MYO5C: variants seen among roughly 807,000 people sequenced by gnomAD.
MYO5C encodes the protein unconventional myosin-Vc.
Under a neutral mutation model 235.7 loss-of-function variants are expected in MYO5C, and 194 were observed. The observed-to-expected ratio is 0.82, with a 90% CI of 0.73 to 0.93. The LOEUF is 0.93. Ranked by LOEUF, MYO5C falls within the 40% of genes least tolerant of loss-of-function variation. The pLI is 0.00. For missense variants in MYO5C, 2,038 were observed against 2,127.2 expected, an observed-to-expected ratio of 0.96 and a Z score of 0.82; for synonymous variants, 707 against 754.8, an observed-to-expected ratio of 0.94 and a Z score of 1.04.
chr15:52,251,072 A>G, intron 13 of MYO5C: 1 of 180,368 alleles, frequency 5.5e-6, no homozygotes, highest in East Asian at 1.4e-4. Flanking sequence ...TTTCATCATA[A>G]GGAAGAATTA....
chr15:52,259,202 C>T (rs971739168), intron 10 of MYO5C, among the ~76,000 whole-genome samples: 2 of 152,120 alleles, frequency 1.3e-5, no homozygotes, highest in Non-Finnish European at 2.9e-5. Context: ...GGACAGATCA[C>T]AAGGTCAGGA....
At chr15:52,196,131 T>G (rs930765772) in intron 39 of MYO5C, among the ~76,000 whole-genome samples, 178 bp downstream of exon 39, 7 of 151,838 alleles carry the variant, frequency 4.6e-5, no homozygotes, top group African/African-American at 1.7e-4. Flanking sequence ...TTTTAAGACC[T>G]AGTGTTAGTA....
At position 52,246,934 on chromosome 15, in the gene MYO5C, AT is replaced by A; in HGVS notation, c.1961del (p.Asp654ValfsTer23). 1 of 1,613,924 alleles carries A rather than the reference AT, an allele frequency of 6.2e-7. No individual in the cohort carries two copies. Among genetic ancestry groups the A allele is most frequent in the East Asian group, 2.2e-5 (1 of 44,878 alleles). On this transcript the variant is annotated frameshift_variant, in exon 16 of 41. Coordinates refer to ENST00000261839, the MANE Select transcript of MYO5C (RefSeq NM_018728.4). LOFTEE classifies it high-confidence loss of function. ...PHYVRCIKPN[D>X]EKLPFEFDSK... is the part of the protein sequence containing the mutation. The stretch of plus-strand genomic sequence containing the variant: ...ACACTTACTCAAAGGGTAACTTCTC[AT>A]CATTTGGCTTGATGCATCGAACGTA...
chr15:52,220,082 C>G (rs1467936030), intron 30 of MYO5C, among the ~76,000 whole-genome samples: 1 of 152,192 alleles, frequency 6.6e-6, no homozygotes, highest in Non-Finnish European at 1.5e-5. Context: ...ATTGGGCCTC[C>G]CTGAAAGCTG....
At chr15:52,276,508 G>A (rs1039322132) in intron 4 of MYO5C, among the ~76,000 whole-genome samples, 1 of 152,158 alleles carries the variant, frequency 6.6e-6, no homozygotes, top group Non-Finnish European at 1.5e-5. Context: ...AGGAAAGCAC[G>A]TATTCAGCAT....
At chr15:52,273,412 G>A (rs1021584264) in intron 5 of MYO5C, among the ~76,000 whole-genome samples, 7 of 152,158 alleles carry the variant, frequency 4.6e-5, no homozygotes, top group African/African-American at 1.4e-4. Context: ...TCACTGTTAT[G>A]GACTGAATGT....
chr15:52,263,469 A>G, intron 9 of MYO5C, among the ~76,000 whole-genome samples: 1 of 152,142 alleles, frequency 6.6e-6, no homozygotes, highest in East Asian at 1.9e-4. Flanking sequence ...AGCAGGTGTA[A>G]GGAGGTAGTG....
chr15:52,291,723 T>A (rs2037390608), intron 1 of MYO5C, among the ~76,000 whole-genome samples: 2 of 126,432 alleles, frequency 1.6e-5, no homozygotes, highest in South Asian at 5.2e-4. Flanking sequence ...TTTGTTTGCA[T>A]ATTTTATGTT....
chr15:52,222,652 T>C (rs1459363405), intron 29 of MYO5C, among the ~76,000 whole-genome samples: 1 of 150,380 alleles, frequency 6.6e-6, no homozygotes, highest in African/African-American at 2.5e-5. Flanking sequence ...ATGGGAGGTG[T>C]GCGGAGGAAG....
In MYO5C at chr15:52,278,943, C is replaced by T. The variant is rs1336059129; in HGVS notation, c.379G>A (p.Gly127Arg). 4 of 1,613,982 alleles carry T rather than the reference C, an allele frequency of 2.5e-6. No homozygotes were observed. The highest frequency in any genetic ancestry group is 4.5e-5 in the East Asian group (2 of 44,884). ...GGGTCCATATCGCCCATGTTCTGCCCGCTGTAGGCGTGGATGATGGCATCT... is the reference window on the plus strand; with the variant it reads ...GGGTCCATATCGCCCATGTTCTGCCTGCTGTAGGCGTGGATGATGGCATCT... The part of the protein sequence containing the change: ...YGDAIIHAYS[G>R]QNMGDMDPHI... The change falls in exon 4 of 41, where the codon GGG becomes AGG. Residue 127 changes from glycine to arginine, a missense_variant. Gly to Arg is a moderately radical substitution (Grantham distance 125). Coordinates refer to ENST00000261839, the MANE Select transcript of MYO5C (RefSeq NM_018728.4).
In MYO5C at chr15:52,251,529, A is replaced by G. The variant is rs764176009; in HGVS notation, c.1537-14T>C. Reference sequence around the variant, plus strand: ...TCCATGTGGTAACTGGAAAAGAAAAATAAACCAAATAGCAAGTAAGAAAAC... The same window carrying G: ...TCCATGTGGTAACTGGAAAAGAAAAGTAAACCAAATAGCAAGTAAGAAAAC... On this transcript the variant is annotated splice_polypyrimidine_tract_variant and intron_variant, in intron 12 of 40. Transcript: ENST00000261839. The G allele has an allele frequency of 6.3e-7, 1 of 1,584,724 alleles. No homozygotes were observed. Among genetic ancestry groups the G allele is most frequent in the Admixed American group, 1.8e-5 (1 of 56,246 alleles).
intron 4 of MYO5C, chr15:52,277,331 C>T (rs2037074983): frequency 4.1e-6 from 2 of 488,812 alleles, no homozygotes; most frequent in Admixed American, 2.7e-5. Context: ...TGCCAAAGAG[C>T]TCATCCCACC....
intron 11 of MYO5C, 32 bp downstream of exon 11, chr15:52,256,604 TGAG>T: frequency 1.5e-6 from 1 of 658,466 alleles, no homozygotes; most frequent in Non-Finnish European, 2.4e-6. Context: ...CGCGCGCGGC[TGAG>T]AACTAGTCAA....
At chr15:52,271,937 G>T in intron 6 of MYO5C, 93 bp from the exon 7 acceptor site, 2 of 661,056 alleles carry the variant, frequency 3.0e-6, no homozygotes, top group South Asian at 2.4e-5. Context: ...TATCTAATCC[G>T]CATGGATAAT....
chr15:52,214,812 G>A (rs112618317), intron 32 of MYO5C, 122 bp from the exon 33 acceptor site: 9,401 of 558,472 alleles, frequency 0.017, 139 homozygotes, highest in Non-Finnish European at 0.02. Context: ...CATTTAAAGT[G>A]TAAACTCAAA....
At chr15:52,240,015 G>A (rs1341422657) in intron 20 of MYO5C, 136 bp from the exon 21 acceptor site, 5 of 877,178 alleles carry the variant, frequency 5.7e-6, no homozygotes, top group Non-Finnish European at 8.4e-6. Flanking sequence ...CCGTATTACA[G>A]CTAGACTTTT....
chr15:52,195,305 GTTAA>G, intron 40 of MYO5C, 68 bp downstream of exon 40: 3 of 1,013,950 alleles, frequency 3.0e-6, no homozygotes, highest in Non-Finnish European at 4.5e-6. Flanking sequence ...TTTCTATAAT[GTTAA>G]TTAAGTATCA....
intron 1 of MYO5C, among the ~76,000 whole-genome samples, chr15:52,293,280 C>T (rs1266027060): frequency 6.6e-6 from 1 of 152,162 alleles, no homozygotes; most frequent in East Asian, 1.9e-4. Context: ...CCTTCTGCTT[C>T]CTCTCACTCC....
Position 52,264,307 on chromosome 15 carries a change from A to G in MYO5C, c.941-11T>C. ...AATCCTCCTTGAAACCTAAAAACAA[A>G]CATTTTCCCAGATTAGAATACTGCA... On this transcript the variant is annotated splice_polypyrimidine_tract_variant and intron_variant, in intron 8 of 40. Transcript: ENST00000261839. The G allele has an allele frequency of 1.3e-6, 2 of 1,599,102 alleles. No individual in the cohort carries two copies. Among genetic ancestry groups the G allele is most frequent in the East Asian group, 4.5e-5 (2 of 44,804 alleles).
Sources: gnomAD v4.1 joint callset for allele counts (sites outside exome capture counted in the v4.1 genomes callset) on GRCh38, gnomAD v4.1.1 for gene constraint, MANE v1.5 for transcripts, NCBI Gene and HGNC (gene_info 2026-07-23, HGNC 2026-07-21) for gene names.